LRRC4C: variants seen among roughly 807,000 people sequenced by gnomAD.
The protein encoded by LRRC4C is leucine rich repeat containing 4C, also known as leucine-rich repeat-containing protein 4C.
Under a neutral mutation model 33.6 loss-of-function variants are expected in LRRC4C, and 5 were observed. The ratio of observed to expected loss-of-function variants is 0.15; its 90% CI spans 0.08 to 0.31. The LOEUF is 0.31. LRRC4C is among the 10% of genes least tolerant of loss of function. LRRC4C has a pLI of 1.00. For synonymous variants in LRRC4C, 329 were observed against 302.0 expected (o/e 1.09, Z -0.93); for missense variants, 560 against 796.7 (o/e 0.70, Z 3.58).
chr11:40,202,861 C>G (rs367969904), intron 5 of LRRC4C, among the ~76,000 whole-genome samples: 1 of 152,196 alleles, frequency 6.6e-6, no homozygotes, highest in African/African-American at 2.4e-5. Flanking sequence ...ACCTAACATC[C>G]TGCAGAGCAG....
intron 2 of LRRC4C, among the ~76,000 whole-genome samples, chr11:40,900,483 T>C (rs1956153702): frequency 6.6e-6 from 1 of 152,110 alleles, no homozygotes; most frequent in South Asian, 2.1e-4. Context: ...TGAAGATGCA[T>C]CCTTAGACCA....
intron 3 of LRRC4C, among the ~76,000 whole-genome samples, chr11:40,454,704 C>T (rs1952053464): frequency 1.3e-5 from 2 of 152,176 alleles, no homozygotes; most frequent in Admixed American, 6.5e-5. Flanking sequence ...ATTCATTCCT[C>T]TCTACCCCTG....
At chr11:40,913,346 T>C (rs566981268) in intron 2 of LRRC4C, among the ~76,000 whole-genome samples, 1 of 152,104 alleles carries the variant, frequency 6.6e-6, no homozygotes, top group Non-Finnish European at 1.5e-5. Context: ...TAACAAACTG[T>C]CTCTTAGACC....
At chr11:40,305,273 C>A (rs1944975037) in intron 4 of LRRC4C, among the ~76,000 whole-genome samples, 1 of 152,160 alleles carries the variant, frequency 6.6e-6, no homozygotes, top group African/African-American at 2.4e-5. Context: ...TCTGCAGAAC[C>A]CTTATCTGAT....
intron 1 of LRRC4C, among the ~76,000 whole-genome samples, chr11:41,153,057 C>T (rs140680844): frequency 6.6e-5 from 10 of 152,132 alleles, no homozygotes; most frequent in African/African-American, 9.7e-5. Context: ...ACGTGAATCA[C>T]GTCACTTGTA....
At chr11:40,726,078 T>G (rs140965116) in intron 2 of LRRC4C, among the ~76,000 whole-genome samples, 280 of 150,454 alleles carry the variant, frequency 1.9e-3, no homozygotes, top group Middle Eastern at 0.01. Context: ...TAAAACTTCC[T>G]AAAATTAAAT....
In LRRC4C at chr11:41,031,853, C is replaced by G. The variant is rs1224157318; in HGVS notation, c.-495-98130G>C. On this transcript the variant is annotated intron_variant, in intron 1 of 6. Transcript: ENST00000528697. The stretch of plus-strand genomic sequence containing the variant: ...AATCTACAGAGGTATGGAAACATGC[C>G]AGAGTTCTGATTCTGGATACATGCC... Among the ~76,000 whole-genome samples, 3 of 151,904 alleles carry G rather than the reference C, an allele frequency of 2.0e-5. No homozygotes were observed. The East Asian group carries it at 5.8e-4, about 29-fold the overall frequency.
At chr11:40,418,547 T>C (rs35545143) in intron 3 of LRRC4C, among the ~76,000 whole-genome samples, 51,507 of 152,160 alleles carry the variant, frequency 0.34, 9,891 homozygotes, top group South Asian at 0.46. Flanking sequence ...TGGAGGACAC[T>C]GTGGTGATTC....
At chr11:41,380,363 C>A (rs569214963) in intron 1 of LRRC4C, among the ~76,000 whole-genome samples, 11 of 152,094 alleles carry the variant, frequency 7.2e-5, no homozygotes, top group Non-Finnish European at 1.3e-4. Flanking sequence ...AAAATTTCTC[C>A]CTCTTTCCTG....
At chr11:41,188,408 G>A (rs991700578) in intron 1 of LRRC4C, among the ~76,000 whole-genome samples, 4 of 152,108 alleles carry the variant, frequency 2.6e-5, no homozygotes, top group Admixed American at 2.6e-4. Flanking sequence ...TAACAAGGAA[G>A]ACTGAATAGT....
intron 1 of LRRC4C, among the ~76,000 whole-genome samples, chr11:40,974,165 T>C (rs1363677877): frequency 6.6e-6 from 1 of 152,234 alleles, no homozygotes; most frequent in Admixed American, 6.5e-5. Context: ...GAGTCTTTTC[T>C]TTGGATTAAC....
intron 5 of LRRC4C, among the ~76,000 whole-genome samples, chr11:40,220,196 G>C (rs1351122100): frequency 6.6e-6 from 1 of 152,082 alleles, no homozygotes; most frequent in Admixed American, 6.5e-5. Context: ...ATGACTTCCT[G>C]TTATCATTTA....
chr11:41,280,528 T>C (rs766765732), intron 1 of LRRC4C, among the ~76,000 whole-genome samples: 17 of 152,242 alleles, frequency 1.1e-4, no homozygotes, highest in Non-Finnish European at 2.4e-4. Context: ...CTGTGCCTGA[T>C]GAAATAACAT....
intron 4 of LRRC4C, among the ~76,000 whole-genome samples, chr11:40,312,251 A>C (rs2136764334): frequency 6.6e-6 from 1 of 152,334 alleles, no homozygotes; most frequent in African/African-American, 2.4e-5. Context: ...GATAACAGTA[A>C]CCATAAATAA....
intron 3 of LRRC4C, among the ~76,000 whole-genome samples, chr11:40,537,770 T>C (rs532130091): frequency 2.0e-4 from 31 of 152,180 alleles, no homozygotes; most frequent in African/African-American, 7.2e-4. Flanking sequence ...ATTAGTTCCC[T>C]GGGAAAGGAA....
intron 1 of LRRC4C, among the ~76,000 whole-genome samples, chr11:41,191,380 ATTAT>A (rs1307868507): frequency 1.3e-5 from 2 of 152,158 alleles, no homozygotes; most frequent in Non-Finnish European, 2.9e-5. Flanking sequence ...TTATAGAAGA[ATTAT>A]TTGCCTGATT....
intron 1 of LRRC4C, among the ~76,000 whole-genome samples, chr11:41,286,854 TA>T (rs959059159): frequency 2.0e-4 from 30 of 151,930 alleles, no homozygotes; most frequent in African/African-American, 6.8e-4. Flanking sequence ...GAAGACTCAG[TA>T]AAAAATATGA....
At chr11:41,078,635 AG>A (rs1327542458) in intron 1 of LRRC4C, among the ~76,000 whole-genome samples, 1 of 152,094 alleles carries the variant, frequency 6.6e-6, no homozygotes, top group Non-Finnish European at 1.5e-5. Context: ...TAAGAGAACA[AG>A]CAAAGGGGAA....
intron 3 of LRRC4C, among the ~76,000 whole-genome samples, chr11:40,324,019 T>C (rs984298926): frequency 5.3e-5 from 8 of 152,200 alleles, no homozygotes; most frequent in Non-Finnish European, 7.3e-5. Flanking sequence ...TTCCCTTCAA[T>C]GAACAAGAAA....
Sources: gnomAD v4.1 joint callset for allele counts (sites outside exome capture counted in the v4.1 genomes callset) on GRCh38, gnomAD v4.1.1 for gene constraint, MANE v1.5 for transcripts, NCBI Gene and HGNC (gene_info 2026-07-23, HGNC 2026-07-21) for gene names.